Variants in MARK3 observed in about 807,000 individuals in gnomAD.
The protein encoded by MARK3 is microtubule affinity regulating kinase 3.
A neutral mutation model predicts 90.1 loss-of-function variants in MARK3; 46 were observed. The observed-to-expected ratio is 0.51, with a 90% CI of 0.40 to 0.65. The LOEUF is 0.65. Among genes scored for constraint, MARK3 ranks in the 30% least tolerant of loss-of-function variants. MARK3 has a pLI of 0.00. For missense variants in MARK3, 818 were observed against 947.2 expected (o/e 0.86, Z 1.79); for synonymous variants, 321 against 332.6 (o/e 0.97, Z 0.38).
intron 14 of MARK3, among the ~76,000 whole-genome samples, chr14:103,486,889 T>G (rs982320903): frequency 7.0e-6 from 1 of 142,880 alleles, no homozygotes; most frequent in African/African-American, 3.0e-5. Flanking sequence ...GCCTTTAAAA[T>G]TAGTATGTCA....
At chr14:103,446,706 TTG>T (rs2093004122) in intron 3 of MARK3, among the ~76,000 whole-genome samples, 2 of 111,238 alleles carry the variant, frequency 1.8e-5, no homozygotes, top group African/African-American at 3.0e-5. Context: ...GTGGAGATTG[TTG>T]TCTTTTTTTT....
At chr14:103,454,894 C>G (rs1401592452) in intron 5 of MARK3, among the ~76,000 whole-genome samples, 1 of 152,180 alleles carries the variant, frequency 6.6e-6, no homozygotes, top group African/African-American at 2.4e-5. Flanking sequence ...ATCCAGCCAC[C>G]TGTTCCTGCC....
chr14:103,503,074 A>G lies in MARK3; in HGVS notation c.2109A>G (p.Gly703=). 6.2e-7 allele frequency: 1 copy of G among 1,614,190 alleles called. No individual in the cohort carries two copies. Among genetic ancestry groups the G allele is most frequent in the Non-Finnish European group, 8.5e-7 (1 of 1,180,032 alleles). ...RERFLLFCVH[G]DGHAENLVQW... ...GCTTCTTGCTCTTCTGCGTCCACGG[A>G]GATGGGCACGCGGAGAACCTCGTGC... The change falls in exon 18 of 18, where the codon GGA becomes GGG. Residue 703 remains glycine (G), a synonymous_variant. Coordinates refer to ENST00000429436, the MANE Select transcript of MARK3 (RefSeq NM_001128918.3).
chr14:103,428,464 A>G, intron 3 of MARK3, 24 bp downstream of exon 3: 1 of 1,417,874 alleles, frequency 7.1e-7, no homozygotes. Context: ...AATGTCTAGT[A>G]CTTTTTAAAA....
intron 1 of MARK3, among the ~76,000 whole-genome samples, chr14:103,404,020 GAAAT>G (rs1416881000): frequency 2.0e-5 from 3 of 152,166 alleles, no homozygotes. Context: ...AAATATTAGA[GAAAT>G]AATGAAGAAG....
chr14:103,432,997 G>T (rs1595653120), intron 3 of MARK3, among the ~76,000 whole-genome samples: 1 of 151,940 alleles, frequency 6.6e-6, no homozygotes, highest in East Asian at 1.9e-4. Flanking sequence ...TTAATGTCAG[G>T]TTACTTCACA....
chr14:103,409,435 TAAAAAAAAAAAAA>T (rs61200962), intron 2 of MARK3, among the ~76,000 whole-genome samples: 53 of 93,436 alleles, frequency 5.7e-4, no homozygotes, highest in East Asian at 2.1e-3. Context: ...GAACTTAAAG[TAAAAAAAAAAAAA>T]AAAAAAAAAA....
At chr14:103,450,875 A>AGTGTGT (rs61183226) in intron 4 of MARK3, among the ~76,000 whole-genome samples, 3,279 of 114,784 alleles carry the variant, frequency 0.029, 59 homozygotes, top group Middle Eastern at 0.056. Context: ...TCATTTTTAA[A>AGTGTGT]GTGTGTGTGT....
At chr14:103,438,937 A>G (rs989303604) in intron 3 of MARK3, among the ~76,000 whole-genome samples, 1 of 151,056 alleles carries the variant, frequency 6.6e-6, no homozygotes, top group African/African-American at 2.4e-5. Context: ...GCAGTGAACC[A>G]TGTTCATGCC....
chr14:103,437,024 C>T (rs1566840416), intron 3 of MARK3, among the ~76,000 whole-genome samples: 2 of 151,340 alleles, frequency 1.3e-5, no homozygotes, highest in Non-Finnish European at 1.5e-5. Context: ...ACCCAGGAGA[C>T]GGAGGTTGCA....
chr14:103,410,117 A>G (rs6575984), intron 2 of MARK3, among the ~76,000 whole-genome samples: 96,510 of 152,122 alleles, frequency 0.63, 31,104 homozygotes, highest in East Asian at 0.86. Flanking sequence ...GAAGGTCTCA[A>G]TCTGTTTTTG....
chr14:103,418,486 T>C (rs895070574), intron 2 of MARK3, among the ~76,000 whole-genome samples: 1 of 152,110 alleles, frequency 6.6e-6, no homozygotes, highest in Non-Finnish European at 1.5e-5. Flanking sequence ...CCCCAGATAT[T>C]TGTGTCCTTA....
chr14:103,407,919 C>T (rs1295312947), intron 2 of MARK3, among the ~76,000 whole-genome samples: 1 of 152,058 alleles, frequency 6.6e-6, no homozygotes, highest in Non-Finnish European at 1.5e-5. Flanking sequence ...CTGAAATACT[C>T]TTTACTCTTC....
chr14:103,495,699 C>T (rs1019779719), intron 15 of MARK3, among the ~76,000 whole-genome samples: 4 of 152,198 alleles, frequency 2.6e-5, no homozygotes, highest in African/African-American at 9.7e-5. Context: ...TCCACACCCC[C>T]AGATTTTTGC....
chr14:103,406,397 T>A (rs1294829519), intron 2 of MARK3, among the ~76,000 whole-genome samples: 22 of 148,414 alleles, frequency 1.5e-4, no homozygotes, highest in African/African-American at 4.0e-4. Flanking sequence ...GCTAATTATT[T>A]TTTTTTTTTT....
At chr14:103,416,866 G>A (rs556921704) in intron 2 of MARK3, among the ~76,000 whole-genome samples, 3 of 152,330 alleles carry the variant, frequency 2.0e-5, no homozygotes, top group Admixed American at 6.5e-5. Context: ...GGTAGTAGGA[G>A]CTTGTAGAAA....
intron 3 of MARK3, among the ~76,000 whole-genome samples, chr14:103,448,336 G>T (rs938326819): frequency 1.3e-5 from 2 of 152,108 alleles, no homozygotes; most frequent in Non-Finnish European, 2.9e-5. Context: ...ATGTCAATAT[G>T]AAGGGGGCAC....
intron 13 of MARK3, among the ~76,000 whole-genome samples, chr14:103,476,138 C>T (rs904831827): frequency 6.6e-6 from 1 of 152,110 alleles, no homozygotes; most frequent in African/African-American, 2.4e-5. Flanking sequence ...ATTTCAAGGC[C>T]TGGTTCCAGT....
chr14:103,501,677 G>A (rs903715326), intron 17 of MARK3, among the ~76,000 whole-genome samples: 11 of 150,916 alleles, frequency 7.3e-5, no homozygotes, highest in East Asian at 3.9e-4. Context: ...TCTCCTGCTC[G>A]GCGGGCTCCA....
Sources: gnomAD v4.1 joint callset for allele counts (sites outside exome capture counted in the v4.1 genomes callset) on GRCh38, gnomAD v4.1.1 for gene constraint, MANE v1.5 for transcripts, NCBI Gene and HGNC (gene_info 2026-07-23, HGNC 2026-07-21) for gene names.